Variants in CHST10 observed in about 807,000 individuals in gnomAD.
The protein encoded by CHST10 is carbohydrate sulfotransferase 10.
CHST10 carries 24 observed loss-of-function variants against 34.7 expected under a neutral mutation model. That is an observed-to-expected ratio of 0.69 (90% CI 0.50 to 0.97). CHST10 has a LOEUF of 0.97. CHST10 is among the 50% of genes least tolerant of loss of function. The pLI is 0.00. For synonymous variants in CHST10, 161 were observed against 169.3 expected, an observed-to-expected ratio of 0.95 and a Z score of 0.38; for missense variants, 402 against 452.1, an observed-to-expected ratio of 0.89 and a Z score of 1.00.
intron 2 of CHST10, 146 bp from the exon 3 acceptor site, chr2:100,406,853 G>C (rs1675602695): frequency 1.1e-6 from 1 of 886,936 alleles, no homozygotes; most frequent in Non-Finnish European, 1.7e-6. Context: ...AGTTTGACTT[G>C]GCATTTAACA....
chr2:100,410,831 A>T (rs1675800438), intron 2 of CHST10, among the ~76,000 whole-genome samples: 1 of 152,176 alleles, frequency 6.6e-6, no homozygotes, highest in South Asian at 2.1e-4. Context: ...GTCCAAAAAC[A>T]TTTTCATTTC....
At position 100,402,639 on chromosome 2, in the gene CHST10, C is replaced by T. The variant is rs769998994; in HGVS notation, c.117G>A (p.Gln39=). 1 of 1,613,938 alleles carries T rather than the reference C, an allele frequency of 6.2e-7. No homozygotes were observed. Among genetic ancestry groups the T allele is most frequent in the South Asian group, 1.1e-5 (1 of 91,070 alleles). The change falls in exon 4 of 7, where the codon CAG becomes CAA. Residue 39 remains glutamine, a synonymous_variant. Transcript: ENST00000264249. ...FKDPDVYSAK[Q]EFLFLTTMPE... ...GCATGGTTGTCAGGAACAGAAACTC[C>T]TGTTTGGCACTGTACACTGGAAGAC...
chr2:100,399,260 T>C (rs1675225523), intron 4 of CHST10, among the ~76,000 whole-genome samples: 3 of 152,134 alleles, frequency 2.0e-5, no homozygotes, highest in African/African-American at 7.2e-5. Context: ...CCCACCACCA[T>C]GCCTGGCTAA....
At chr2:100,410,688 A>T (rs1203507304) in intron 2 of CHST10, among the ~76,000 whole-genome samples, 1 of 152,228 alleles carries the variant, frequency 6.6e-6, no homozygotes, top group Non-Finnish European at 1.5e-5. Flanking sequence ...CTGAGACTAG[A>T]AAACAACCAA....
rs942031512 is a variant in CHST10 at position 100,417,646 on chromosome 2, C to T, written c.-376G>A. The T allele has an allele frequency of 6.6e-6, 1 of 150,776 alleles. No individual in the cohort carries two copies. The highest frequency in any genetic ancestry group is 1.5e-5 in the Non-Finnish European group (1 of 67,572). The allele number at this position is 150,776 out of a possible 1,614,324, so 9.3% of individuals were successfully genotyped here. On this transcript the variant is annotated 5_prime_UTR_variant, in exon 1 of 7. Transcript: ENST00000264249. ...ACCGCCTCACGCGGCCCCCTCGCGC[C>T]TATCCGGCCGTGCGCGCCGCCTGCC... is the stretch of plus-strand genomic sequence containing the variant.
At chr2:100,405,776 C>G (rs1228794184) in intron 3 of CHST10, among the ~76,000 whole-genome samples, 2 of 152,236 alleles carry the variant, frequency 1.3e-5, no homozygotes, top group African/African-American at 2.4e-5. Flanking sequence ...ATGAGGACTT[C>G]AATGACTCCA....
In CHST10 at chr2:100,395,540, A is replaced by C; in HGVS notation, c.502T>G (p.Ser168Ala). 1 of 1,613,950 alleles carries C rather than the reference A, an allele frequency of 6.2e-7. No homozygotes were observed. Among genetic ancestry groups the C allele is most frequent in the Non-Finnish European group, 8.5e-7 (1 of 1,179,840 alleles). Residue 168 changes from serine to alanine, a missense_variant, in exon 6 of 7, where the codon TCT becomes GCT. Physicochemically the swap from Ser to Ala is moderately conservative, Grantham distance 99. Transcript: ENST00000264249. ...DHEKNGLPRL[S>A]SFSDAEIQKR... Reference sequence around the variant, plus strand: ...TGAATTTCTGCATCACTGAAGGAAGAGAGCCGAGGAAGGCCGTTCTTCTCG... The same window carrying C: ...TGAATTTCTGCATCACTGAAGGAAGCGAGCCGAGGAAGGCCGTTCTTCTCG...
chr2:100,413,810 T>A (rs189200173), intron 2 of CHST10, among the ~76,000 whole-genome samples: 2 of 152,264 alleles, frequency 1.3e-5, no homozygotes, highest in Admixed American at 6.5e-5. Context: ...AGGCCCCACT[T>A]TTAATATGCG....
At chr2:100,410,703 TA>T (rs1484220905) in intron 2 of CHST10, among the ~76,000 whole-genome samples, 2 of 152,192 alleles carry the variant, frequency 1.3e-5, no homozygotes, top group African/African-American at 4.8e-5. Context: ...AACCAAATGC[TA>T]TGAGGACTTC....
chr2:100,403,976 C>T (rs576986261), intron 3 of CHST10, among the ~76,000 whole-genome samples: 2 of 152,330 alleles, frequency 1.3e-5, no homozygotes, highest in East Asian at 3.9e-4. Flanking sequence ...CCCAGGGCCT[C>T]TCTGACGCCT....
intron 3 of CHST10, among the ~76,000 whole-genome samples, chr2:100,405,841 G>A (rs1675547468): frequency 1.3e-5 from 2 of 152,140 alleles, no homozygotes; most frequent in African/African-American, 4.8e-5. Context: ...GTGGCCTCGG[G>A]GCTGGAGAGC....
rs945574036 is a variant in CHST10 at position 100,393,732 on chromosome 2, A to G, written c.584T>C (p.Leu195Pro). 6.2e-7 allele frequency: 1 copy of G among 1,613,238 alleles called. No individual in the cohort carries two copies. Among genetic ancestry groups the G allele is most frequent in the Non-Finnish European group, 8.5e-7 (1 of 1,179,942 alleles). ...FFIVRDPFER[L>P]ISAFKDKFVH... Reference sequence around the variant, plus strand: ...AAATTTATCCTTAAATGCAGAAATAAGTCTTTCGAAGGGATCTCTTACAAT... The same window carrying G: ...AAATTTATCCTTAAATGCAGAAATAGGTCTTTCGAAGGGATCTCTTACAAT... Residue 195 changes from leucine (L) to proline (P), a missense_variant, in exon 7 of 7, where the codon CTT becomes CCT. Coordinates refer to ENST00000264249, the MANE Select transcript of CHST10 (RefSeq NM_004854.5).
At chr2:100,412,016 T>C (rs908429889) in intron 2 of CHST10, among the ~76,000 whole-genome samples, 1 of 152,204 alleles carries the variant, frequency 6.6e-6, no homozygotes, top group East Asian at 1.9e-4. Flanking sequence ...AGGGCTATTA[T>C]GGTCTTTTCT....
At chr2:100,399,816 A>T (rs374676186) in intron 4 of CHST10, among the ~76,000 whole-genome samples, 14 of 152,294 alleles carry the variant, frequency 9.2e-5, no homozygotes, top group African/African-American at 2.9e-4. Flanking sequence ...CCTGGGGGCT[A>T]CTGACTGCCT....
At chr2:100,398,182 A>G in intron 4 of CHST10, 40 bp from the exon 5 acceptor site, 1 of 1,510,766 alleles carries the variant, frequency 6.6e-7, no homozygotes, top group South Asian at 1.2e-5. Context: ...AGGGACCATT[A>G]AAGGAGGCAG....
In CHST10 at chr2:100,406,608, T is replaced by G. The variant is rs141878987; in HGVS notation, c.68A>C (p.Lys23Thr). The G allele has an allele frequency of 2.3e-4, 369 of 1,614,204 alleles. No homozygotes were observed. Among genetic ancestry groups the G allele is most frequent in the Admixed American group, 3.3e-4 (20 of 60,032 alleles). Residue 23 changes from lysine (K) to threonine (T), a missense_variant, in exon 3 of 7, where the codon AAG becomes ACG. Coordinates refer to ENST00000264249, the MANE Select transcript of CHST10 (RefSeq NM_004854.5). Reference protein sequence around the residue: ...WVIFMFMVASKFITLTFKDPD... With the variant: ...WVIFMFMVASTFITLTFKDPD... The stretch of plus-strand genomic sequence containing the variant: ...GTCTTTAAAGGTCAACGTGATGAAC[T>G]TGCTAGCCACCATGAACATGAAAAT...
rs995929640 is a variant in CHST10, at chr2:100,397,903, C to G, written c.427+5G>C. 4 of 1,606,784 alleles carry G rather than the reference C, an allele frequency of 2.5e-6. No individual in the cohort carries two copies. The highest frequency in any genetic ancestry group is 3.4e-6 in the Non-Finnish European group (4 of 1,175,850). The stretch of plus-strand genomic sequence containing the variant: ...CCAGTGGACATTCAGTAGACCCACA[C>G]ACACCATTTAGAACAATCAGCACTT... On this transcript the variant is annotated splice_donor_5th_base_variant and intron_variant, in intron 5 of 6. Coordinates refer to ENST00000264249, the MANE Select transcript of CHST10 (RefSeq NM_004854.5).
chr2:100,402,709 G>A lies in CHST10; in HGVS notation c.101-54C>T, dbSNP rs141340983. 2.2e-4 allele frequency: 329 copies of A among 1,485,096 alleles called. 2 individuals carry two copies. The African/African-American group carries it at 3.8e-3, about 17-fold the overall frequency. The allele number at this position is 1,485,096 out of a possible 1,614,324, so 92.0% of individuals were successfully genotyped here. ...TCTAAAAGGAAAAGGCACACAGGTG[G>A]ATGGGACAGAACAGAGGCCCCAGAA... On this transcript the variant is annotated intron_variant, in intron 3 of 6. Transcript: ENST00000264249.
intron 5 of CHST10, among the ~76,000 whole-genome samples, chr2:100,397,172 C>A (rs1675099658): frequency 6.6e-6 from 1 of 152,214 alleles, no homozygotes; most frequent in African/African-American, 2.4e-5. Flanking sequence ...TAACTCCTGT[C>A]TGAAGCTAAA....
Sources: gnomAD v4.1 joint callset for allele counts (sites outside exome capture counted in the v4.1 genomes callset) on GRCh38, gnomAD v4.1.1 for gene constraint, MANE v1.5 for transcripts, NCBI Gene and HGNC (gene_info 2026-07-23, HGNC 2026-07-21) for gene names.